Variants in ZNF225 observed in about 807,000 individuals in gnomAD.
The protein encoded by ZNF225 is zinc finger protein 225.
In ZNF225, 6 loss-of-function variants were observed where a neutral mutation model predicts 12.0. The observed-to-expected ratio is 0.50, with a 90% confidence interval of 0.27 to 0.98. The LOEUF is 0.98. ZNF225 is among the 50% of genes least tolerant of loss of function. The pLI, the probability that ZNF225 is intolerant of heterozygous loss-of-function variation, is 0.11. For missense variants in ZNF225, 763 were observed against 848.2 expected (o/e 0.90, Z 1.25); for synonymous variants, 271 against 283.2 (o/e 0.96, Z 0.43).
Position 44,118,565 on chromosome 19 carries a change from G to C in ZNF225, c.226G>C (p.Gly76Arg), listed in dbSNP as rs1165880478. 35 of 1,612,284 alleles carry C rather than the reference G, an allele frequency of 2.2e-5. No individual in the cohort carries two copies. The highest frequency in any genetic ancestry group is 2.8e-5 in the Non-Finnish European group (33 of 1,178,886). ...WMMETATQRE[G>R]NLGGKIQMEM... is the part of the protein sequence containing the mutation. ...GATGGAGACAGCAACCCAAAGAGAAGGGAATTTAGGTAAGAAGCAAGCAAC... is the reference window on the plus strand; with the variant it reads ...GATGGAGACAGCAACCCAAAGAGAACGGAATTTAGGTAAGAAGCAAGCAAC... Residue 76 changes from glycine to arginine, a missense_variant, in exon 4 of 5, where the codon GGG becomes CGG. Transcript: ENST00000262894.
chr19:44,131,321 A>C lies in ZNF225; in HGVS notation c.707A>C (p.Gln236Pro). 6.2e-7 allele frequency: 1 copy of C among 1,614,208 alleles called. No individual in the cohort carries two copies. The highest frequency in any genetic ancestry group is 8.5e-7 in the Non-Finnish European group (1 of 1,180,030). Residue 236 changes from glutamine to proline, a missense_variant, in exon 5 of 5, where the codon CAG (glutamine) becomes CCG (proline). Transcript: ENST00000262894. ...GGAGAGAAACCATTCAAATGTGAGC[A>C]GTGTGGGAAAGGCTTTAGTCGTAGA... Reference protein sequence around the residue: ...HTGEKPFKCEQCGKGFSRRSG... With the variant: ...HTGEKPFKCEPCGKGFSRRSG...
intron 4 of ZNF225, among the ~76,000 whole-genome samples, chr19:44,123,379 T>C (rs1185300762): frequency 1.3e-5 from 2 of 152,192 alleles, no homozygotes; most frequent in Non-Finnish European, 2.9e-5. Flanking sequence ...TGATATGTTG[T>C]TGGATTAAGT....
rs62640912 is a variant in ZNF225, at chr19:44,132,303, C to T, written c.1689C>T (p.Thr563=). ...FNLDMHQRVH[T]GERPYNCKEC... is the part of the protein sequence containing the mutation. The stretch of plus-strand genomic sequence containing the variant: ...TTGACATGCACCAGAGGGTCCACAC[C>T]GGAGAGAGACCTTATAATTGTAAAG... The change falls in exon 5 of 5, where the codon ACC becomes ACT. Residue 563 remains threonine (T), a synonymous_variant. Coordinates refer to ENST00000262894, the MANE Select transcript of ZNF225 (RefSeq NM_013362.4). 2,351 of 1,611,344 alleles carry T rather than the reference C, an allele frequency of 1.5e-3. 11 individuals carry two copies. The highest frequency in any genetic ancestry group is 4.6e-3 in the Admixed American group (273 of 59,792).
At chr19:44,118,732 AC>A (rs1967993798) in intron 4 of ZNF225, among the ~76,000 whole-genome samples, 158 bp downstream of exon 4, 2 of 151,468 alleles carry the variant, frequency 1.3e-5, no homozygotes, top group African/African-American at 4.8e-5. Flanking sequence ...CACTTTTCCC[AC>A]CCTGACATCT....
In ZNF225 at chr19:44,131,533, T is replaced by C; in HGVS notation, c.919T>C (p.Ser307Pro). The part of the protein sequence containing the change: ...FRSRANLNRH[S>P]MVHMREKPFR... ...TAGTAGAGCAAATCTTAATAGGCATTCCATGGTTCACATGCGAGAGAAACC... is the reference window on the plus strand; with the variant it reads ...TAGTAGAGCAAATCTTAATAGGCATCCCATGGTTCACATGCGAGAGAAACC... Residue 307 changes from serine to proline, a missense_variant, in exon 5 of 5, where the codon TCC becomes CCC. Physicochemically the swap from Ser to Pro is moderately conservative, Grantham distance 74. Transcript: ENST00000262894. The C allele has an allele frequency of 1.9e-6, 3 of 1,614,118 alleles. No individual in the cohort carries two copies. Among genetic ancestry groups the C allele is most frequent in the Non-Finnish European group, 2.5e-6 (3 of 1,180,000 alleles).
At chr19:44,117,159 C>A (rs7259615) in intron 2 of ZNF225, among the ~76,000 whole-genome samples, 7,952 of 152,252 alleles carry the variant, frequency 0.052, 698 homozygotes, top group African/African-American at 0.18. Context: ...TTAGTCTGCA[C>A]TGATCAACTT....
chr19:44,132,365 T>C lies in ZNF225; in HGVS notation c.1751T>C (p.Leu584Ser). 6.2e-7 allele frequency: 1 copy of C among 1,612,762 alleles called. No homozygotes were observed. Among genetic ancestry groups the C allele is most frequent in the Non-Finnish European group, 8.5e-7 (1 of 1,179,660 alleles). ...GKSFSRASSI[L>S]NHKRLHGDEK... ...AGCTTTAGCCGGGCCTCAAGTATTT[T>C]GAATCATAAGAGACTCCATGGTGAT... Residue 584 changes from leucine (L) to serine (S), a missense_variant, in exon 5 of 5, where the codon TTG becomes TCG. Transcript: ENST00000262894.
At chr19:44,128,956 C>A in intron 4 of ZNF225, 3 of 770,218 alleles carry the variant, frequency 3.9e-6, no homozygotes, top group Admixed American at 4.3e-5. Flanking sequence ...CAGGGCATGA[C>A]CCCTTAGGCG....
chr19:44,116,083 A>G (rs1374078717), intron 2 of ZNF225, among the ~76,000 whole-genome samples: 2 of 152,068 alleles, frequency 1.3e-5, no homozygotes, highest in African/African-American at 4.8e-5. Flanking sequence ...GCTGTTCTCA[A>G]ACTCCTGACC....
chr19:44,114,256 C>A, intron 1 of ZNF225: 2 of 829,646 alleles, frequency 2.4e-6, no homozygotes, highest in Admixed American at 3.8e-5. Flanking sequence ...GATGCTCACC[C>A]CAACCGAGAG....
At chr19:44,116,255 A>G (rs1006750248) in intron 2 of ZNF225, among the ~76,000 whole-genome samples, 3 of 152,170 alleles carry the variant, frequency 2.0e-5, no homozygotes, top group African/African-American at 7.2e-5. Context: ...GACAAACAGA[A>G]TCTAGCTCTT....
rs1403715268 is a variant in ZNF225 at position 44,131,769 on chromosome 19, A to T, written c.1155A>T (p.Ser385=). The change falls in exon 5 of 5, where the codon TCA becomes TCT. Residue 385 remains serine, a synonymous_variant. Transcript: ENST00000262894. The part of the protein sequence containing the change: ...KECGKSFRWA[S]GLSRHVRVHS... ...GTGGAAAGAGCTTCAGATGGGCCTC[A>T]GGTCTTTCAAGACATGTGCGAGTCC... The T allele has an allele frequency of 6.2e-7, 1 of 1,614,242 alleles. No homozygotes were observed. The highest frequency in any genetic ancestry group is 2.2e-5 in the East Asian group (1 of 44,886).
Position 44,115,850 on chromosome 19 carries a change from G to C in ZNF225, c.15+8G>C. 1 of 1,612,598 alleles carries C rather than the reference G, an allele frequency of 6.2e-7. No individual in the cohort carries two copies. Among genetic ancestry groups the C allele is most frequent in the Non-Finnish European group, 8.5e-7 (1 of 1,179,252 alleles). On this transcript the variant is annotated splice_region_variant and intron_variant, in intron 2 of 4. Coordinates refer to ENST00000262894, the MANE Select transcript of ZNF225 (RefSeq NM_013362.4). The stretch of plus-strand genomic sequence containing the variant: ...AAAATGACCACGTTGAAGGTGAGTA[G>C]AGCTTGCCTCTCTTGCTGTTAAAAT...
Position 44,130,975 on chromosome 19 carries a change from A to G in ZNF225, c.361A>G (p.Ser121Gly), listed in dbSNP as rs1013782189. The G allele has an allele frequency of 6.2e-7, 1 of 1,614,080 alleles. No individual in the cohort carries two copies. The highest frequency in any genetic ancestry group is 8.5e-7 in the Non-Finnish European group (1 of 1,179,938). ...CAGGTTTCAAGACTCCATGGTAAAC[A>G]GCTTTCAGTTCTCCAAACAAGATGA... ...LTRFQDSMVN[S>G]FQFSKQDDMP... The change falls in exon 5 of 5, where the codon AGC becomes GGC. Residue 121 changes from serine (S) to glycine (G), a missense_variant. Ser to Gly is a moderately conservative substitution (Grantham distance 56, BLOSUM62 0). Transcript: ENST00000262894.
chr19:44,115,053 T>C (rs1389780001), intron 1 of ZNF225, among the ~76,000 whole-genome samples: 1 of 152,234 alleles, frequency 6.6e-6, no homozygotes, highest in African/African-American at 2.4e-5. Flanking sequence ...GTGCACATTC[T>C]ACTGTAAAGG....
Position 44,118,304 on chromosome 19 carries a change from GCTC to G in ZNF225, c.133_135del (p.Leu45del). ...TGATGCTGGAGAACTTCAGGAACCT[GCTC>G]TCAGTGGGTGAGGACAGGCACCCTT... On this transcript the variant is annotated inframe_deletion, in exon 3 of 5. Coordinates refer to ENST00000262894, the MANE Select transcript of ZNF225 (RefSeq NM_013362.4). 6.2e-7 allele frequency: 1 copy of G among 1,612,884 alleles called. No homozygotes were observed. Among genetic ancestry groups the G allele is most frequent in the Non-Finnish European group, 8.5e-7 (1 of 1,179,450 alleles).
At chr19:44,122,115 T>G (rs1968067532) in intron 4 of ZNF225, among the ~76,000 whole-genome samples, 1 of 152,248 alleles carries the variant, frequency 6.6e-6, no homozygotes, top group Admixed American at 6.5e-5. Context: ...CTTCTAGAAT[T>G]TTTATAGTTT....
rs201202120 is a variant in ZNF225, at chr19:44,132,350, G to A, written c.1736G>A (p.Arg579Gln). The change falls in exon 5 of 5, where the codon CGG becomes CAG. Residue 579 changes from arginine (R) to glutamine (Q), a missense_variant. Physicochemically the swap from Arg to Gln is conservative, Grantham distance 43. Coordinates refer to ENST00000262894, the MANE Select transcript of ZNF225 (RefSeq NM_013362.4). ...NCKECGKSFSRASSILNHKRL... is the reference protein window; with the variant it reads ...NCKECGKSFSQASSILNHKRL... ...AAAGAATGTGGGAAGAGCTTTAGCC[G>A]GGCCTCAAGTATTTTGAATCATAAG... The A allele has an allele frequency of 1.3e-4, 214 of 1,612,790 alleles. 1 individual carries two copies. The highest frequency in any genetic ancestry group is 1.6e-4 in the Middle Eastern group (1 of 6,074).
intron 1 of ZNF225, chr19:44,114,230 T>C: frequency 2.0e-6 from 2 of 990,064 alleles, no homozygotes; most frequent in Non-Finnish European, 3.2e-6. Flanking sequence ...GATCCTTGGC[T>C]TTTTTCTTTG....
Sources: allele counts gnomAD v4.1 joint callset (sites outside exome capture counted in the v4.1 genomes callset), GRCh38; gene constraint gnomAD v4.1.1; transcripts MANE v1.5; gene names NCBI Gene and HGNC (gene_info 2026-07-23, HGNC 2026-07-21).